Variants in KCNIP4 observed in about 807,000 individuals in gnomAD.
KCNIP4 encodes the protein Kv channel-interacting protein 4.
Under a neutral mutation model 34.0 loss-of-function variants are expected in KCNIP4, and 12 were observed. The ratio of observed to expected loss-of-function variants is 0.35; its 90% CI spans 0.23 to 0.57. The LOEUF is 0.57. Ranked by LOEUF, KCNIP4 falls within the 20% of genes least tolerant of loss-of-function variation. The pLI is 0.83. For missense variants in KCNIP4, 238 were observed against 311.7 expected, an observed-to-expected ratio of 0.76 and a Z score of 1.78; for synonymous variants, 124 against 102.2, an observed-to-expected ratio of 1.21 and a Z score of -1.29.
chr4:21,407,407 C>G (rs1724086277), intron 1 of KCNIP4, among the ~76,000 whole-genome samples: 1 of 152,030 alleles, frequency 6.6e-6, no homozygotes, highest in Non-Finnish European at 1.5e-5. Flanking sequence ...TTAAATATTG[C>G]TAGTCTTTTC....
chr4:21,931,983 A>G (rs1230448044), intron 1 of KCNIP4, among the ~76,000 whole-genome samples: 2 of 152,098 alleles, frequency 1.3e-5, no homozygotes, highest in East Asian at 3.9e-4. Flanking sequence ...ATACAATTAC[A>G]CATTGTAGTT....
chr4:21,694,447 T>C (rs1264213861), intron 1 of KCNIP4, among the ~76,000 whole-genome samples: 1 of 152,190 alleles, frequency 6.6e-6, no homozygotes, highest in Non-Finnish European at 1.5e-5. Flanking sequence ...AAAAAGCATA[T>C]GTTTTTATGA....
intron 1 of KCNIP4, among the ~76,000 whole-genome samples, chr4:21,764,764 T>G (rs1375532945): frequency 2.0e-5 from 3 of 152,036 alleles, no homozygotes; most frequent in African/African-American, 4.8e-5. Flanking sequence ...TCCCTGTCCT[T>G]TTTTGCTTGT....
intron 1 of KCNIP4, among the ~76,000 whole-genome samples, chr4:21,833,882 A>G (rs1056345820): frequency 1.5e-4 from 23 of 152,044 alleles, no homozygotes; most frequent in African/African-American, 4.1e-4. Context: ...TCTCAGGTTT[A>G]TCAAAGATCA....
chr4:21,039,919 T>C (rs28420855), intron 1 of KCNIP4, among the ~76,000 whole-genome samples: 4,412 of 152,224 alleles, frequency 0.029, 191 homozygotes, highest in African/African-American at 0.1. Context: ...AGAAAAGAGA[T>C]TTAATTGACT....
At chr4:20,889,053 A>T (rs1349924831) in intron 1 of KCNIP4, among the ~76,000 whole-genome samples, 2 of 152,142 alleles carry the variant, frequency 1.3e-5, no homozygotes. Context: ...GTCTTTCACC[A>T]TCCTTTAAAT....
At chr4:20,958,374 G>C (rs111803785) in intron 1 of KCNIP4, among the ~76,000 whole-genome samples, 4 of 152,138 alleles carry the variant, frequency 2.6e-5, no homozygotes, top group African/African-American at 7.2e-5. Flanking sequence ...GTCAGACTTC[G>C]ACCAAAGTCA....
chr4:21,257,972 T>A (rs573277414), intron 1 of KCNIP4, among the ~76,000 whole-genome samples: 4 of 152,226 alleles, frequency 2.6e-5, no homozygotes, highest in African/African-American at 9.6e-5. Flanking sequence ...TCTCATCAAA[T>A]CTCTCTTTAT....
chr4:21,014,929 G>C (rs1739369301), intron 1 of KCNIP4, among the ~76,000 whole-genome samples: 1 of 152,134 alleles, frequency 6.6e-6, no homozygotes, highest in South Asian at 2.1e-4. Context: ...ATATTATTTA[G>C]CCTTAAAAAG....
rs113061620 is a variant in KCNIP4 at position 21,525,238 on chromosome 4, T to C, written c.61+423333A>G. ...CTTAGATCATTATATTTCATTTATT[T>C]TGCATAGTTTATCTTTCCAACAATA... On this transcript the variant is annotated intron_variant, in intron 1 of 8. Transcript: ENST00000382152. Among the ~76,000 whole-genome samples, 570 of 152,308 alleles carry C rather than the reference T, an allele frequency of 3.7e-3. 7 individuals carry two copies. Among genetic ancestry groups the C allele is most frequent in the African/African-American group, 0.013 (545 of 41,566 alleles).
At chr4:21,134,445 G>A (rs1444013037) in intron 1 of KCNIP4, among the ~76,000 whole-genome samples, 1 of 152,160 alleles carries the variant, frequency 6.6e-6, no homozygotes, top group Non-Finnish European at 1.5e-5. Context: ...CTGGCCAAAA[G>A]TATGTCATTA....
At chr4:20,747,857 T>A (rs1030705955) in intron 5 of KCNIP4, among the ~76,000 whole-genome samples, 16 of 152,122 alleles carry the variant, frequency 1.1e-4, no homozygotes, top group Admixed American at 2.0e-4. Flanking sequence ...TGCACCCTAT[T>A]TTTTTCATCT....
intron 1 of KCNIP4, among the ~76,000 whole-genome samples, chr4:21,194,804 C>A (rs986965794): frequency 6.6e-6 from 1 of 152,150 alleles, no homozygotes; most frequent in Non-Finnish European, 1.5e-5. Flanking sequence ...CATGACACAG[C>A]GAACCCTGCT....
intron 3 of KCNIP4, among the ~76,000 whole-genome samples, chr4:20,839,385 T>G (rs140728702): frequency 1.3e-5 from 2 of 151,664 alleles, no homozygotes; most frequent in East Asian, 3.9e-4. Flanking sequence ...GACATCTATC[T>G]CTATATATCT....
intron 1 of KCNIP4, among the ~76,000 whole-genome samples, chr4:21,409,418 ATGTT>A (rs1724293973): frequency 6.6e-6 from 1 of 152,140 alleles, no homozygotes; most frequent in South Asian, 2.1e-4. Context: ...TTTGAATACT[ATGTT>A]TGTGGATCCG....
chr4:21,499,163 T>C (rs1436222435), intron 1 of KCNIP4, among the ~76,000 whole-genome samples: 1 of 152,010 alleles, frequency 6.6e-6, no homozygotes, highest in Non-Finnish European at 1.5e-5. Context: ...AAACCCCATC[T>C]CTACTAAAAA....
At chr4:21,281,089 T>G (rs1453521061) in intron 1 of KCNIP4, among the ~76,000 whole-genome samples, 1 of 135,858 alleles carries the variant, frequency 7.4e-6, no homozygotes, top group Non-Finnish European at 1.6e-5. Context: ...ATTTTCTTCT[T>G]TTTTTTTTTT....
chr4:21,732,316 A>G (rs1715666715), intron 1 of KCNIP4, among the ~76,000 whole-genome samples: 1 of 152,100 alleles, frequency 6.6e-6, no homozygotes, highest in African/African-American at 2.4e-5. Flanking sequence ...CATCAAAACA[A>G]TAGCTCCAGG....
chr4:21,496,593 A>C (rs193266303), intron 1 of KCNIP4, among the ~76,000 whole-genome samples: 1 of 152,180 alleles, frequency 6.6e-6, no homozygotes, highest in Non-Finnish European at 1.5e-5. Flanking sequence ...TCTCTCCCAT[A>C]ATATTTCAGT....
Sources: gnomAD v4.1 joint callset for allele counts (sites outside exome capture counted in the v4.1 genomes callset) on GRCh38, gnomAD v4.1.1 for gene constraint, MANE v1.5 for transcripts, NCBI Gene and HGNC (gene_info 2026-07-23, HGNC 2026-07-21) for gene names.